TTC28: variants seen among roughly 807,000 people sequenced by gnomAD.
The protein encoded by TTC28 is tetratricopeptide repeat domain 28.
In TTC28, 61 loss-of-function variants were observed where a neutral mutation model predicts 198.0. That is an observed-to-expected ratio of 0.31 (90% CI 0.25 to 0.38). The LOEUF (loss-of-function observed/expected upper bound fraction) is 0.38, where lower values mean the gene tolerates loss of function less well. TTC28 is among the 10% of genes least tolerant of loss of function. The pLI is 1.00. For missense variants in TTC28, 2,678 were observed against 3,164.0 expected (o/e 0.85, Z 3.69); for synonymous variants, 1,171 against 1,297.8 (o/e 0.90, Z 2.10).
At chr22:28,216,376 T>C (rs1400662170) in intron 5 of TTC28, among the ~76,000 whole-genome samples, 1 of 152,160 alleles carries the variant, frequency 6.6e-6, no homozygotes, top group Non-Finnish European at 1.5e-5. Context: ...GGAGGTAAGC[T>C]TGGCCTGAAC....
chr22:28,404,630 G>A (rs961582915), intron 2 of TTC28, among the ~76,000 whole-genome samples: 6 of 151,976 alleles, frequency 3.9e-5, no homozygotes, highest in Admixed American at 6.6e-5. Context: ...TTCTATCACC[G>A]CTTTTCCACT....
intron 12 of TTC28, among the ~76,000 whole-genome samples, chr22:28,037,252 G>A (rs1056659264): frequency 4.6e-5 from 7 of 152,180 alleles, no homozygotes; most frequent in East Asian, 3.9e-4. Flanking sequence ...GACGACCATC[G>A]ACGCAAAAAT....
intron 14 of TTC28, chr22:28,007,454 T>C (rs754608733): frequency 6.6e-6 from 1 of 152,132 alleles, no homozygotes; most frequent in Non-Finnish European, 1.5e-5. Flanking sequence ...CTGGTTTGCC[T>C]GAAGTACCTA....
At chr22:28,609,151 A>G (rs1016148146) in intron 2 of TTC28, among the ~76,000 whole-genome samples, 3 of 152,244 alleles carry the variant, frequency 2.0e-5, no homozygotes, top group Non-Finnish European at 4.4e-5. Flanking sequence ...AATGGAAACT[A>G]TGTCTAAAGA....
At position 27,985,276 on chromosome 22, in the gene TTC28, C is replaced by T. The variant is rs752315274; in HGVS notation, c.5788G>A (p.Ala1930Thr). 26 of 1,551,332 alleles carry T rather than the reference C, an allele frequency of 1.7e-5. No homozygotes were observed. Among genetic ancestry groups the T allele is most frequent in the African/African-American group, 2.7e-5 (2 of 73,042 alleles). The change falls in exon 22 of 23, where the codon GCG (alanine) becomes ACG (threonine). Residue 1930 changes from alanine (A) to threonine (T), a missense_variant. By Grantham distance (58) the Ala-to-Thr change is moderately conservative. Coordinates refer to ENST00000397906, the MANE Select transcript of TTC28 (RefSeq NM_001145418.2). The part of the protein sequence containing the change: ...KQANRRTVHF[A>T]LQSLLSLFDS... ...AACAGAGACAGCAGGGACTGGAGCG[C>T]GAAGTGCACAGTCCGTCGATTAGCT...
intron 12 of TTC28, among the ~76,000 whole-genome samples, chr22:28,082,393 T>A (rs374201800): frequency 6.6e-6 from 1 of 152,226 alleles, no homozygotes; most frequent in Non-Finnish European, 1.5e-5. Flanking sequence ...GGATTTTTCA[T>A]ATATGGCCTT....
At chr22:28,559,162 A>G (rs1268247715) in intron 2 of TTC28, among the ~76,000 whole-genome samples, 2 of 152,214 alleles carry the variant, frequency 1.3e-5, no homozygotes, top group African/African-American at 2.4e-5. Flanking sequence ...TTCATTAATC[A>G]TGCATGCCCC....
chr22:28,135,515 G>A (rs1943179083), intron 6 of TTC28, among the ~76,000 whole-genome samples: 1 of 152,164 alleles, frequency 6.6e-6, no homozygotes, highest in Non-Finnish European at 1.5e-5. Flanking sequence ...AGGCTGTGTG[G>A]CAGACAGGAG....
chr22:28,220,083 T>G (rs1415844518), intron 5 of TTC28, among the ~76,000 whole-genome samples: 2 of 152,180 alleles, frequency 1.3e-5, no homozygotes, highest in Non-Finnish European at 1.5e-5. Context: ...AATAAGACAA[T>G]TAAGGTGATG....
Position 28,198,216 on chromosome 22 carries a change from G to A in TTC28, c.934-34617C>T, listed in dbSNP as rs755402566. Among the ~76,000 whole-genome samples the A allele has an allele frequency of 1.7e-4, 26 of 152,152 alleles. 1 individual carries two copies. The highest frequency in any genetic ancestry group is 3.1e-4 in the African/African-American group (13 of 41,516). On this transcript the variant is annotated intron_variant, in intron 5 of 22. Coordinates refer to ENST00000397906, the MANE Select transcript of TTC28 (RefSeq NM_001145418.2). ...TGTTGGTTGTGGGAGGCTATTCTGC[G>A]CCTTCTACGTTGTTTAGCAGCATCC...
intron 2 of TTC28, among the ~76,000 whole-genome samples, chr22:28,313,197 T>C (rs1344405099): frequency 2.6e-5 from 4 of 152,022 alleles, no homozygotes; most frequent in Non-Finnish European, 4.4e-5. Context: ...CAATAACAGG[T>C]TCTGAAATTG....
intron 2 of TTC28, among the ~76,000 whole-genome samples, chr22:28,458,857 G>A (rs777659208): frequency 6.6e-6 from 1 of 151,030 alleles, no homozygotes; most frequent in African/African-American, 2.4e-5. Flanking sequence ...CTCCAGCCTG[G>A]GTGACAGAGC....
chr22:27,994,170 G>A (rs1192123005), intron 17 of TTC28, among the ~76,000 whole-genome samples: 6 of 152,122 alleles, frequency 3.9e-5, no homozygotes, highest in African/African-American at 4.8e-5. Context: ...GCTGAGAGGC[G>A]TGGTGGCTCA....
intron 2 of TTC28, among the ~76,000 whole-genome samples, chr22:28,500,668 A>G (rs9608688): frequency 5.8e-4 from 88 of 152,290 alleles, no homozygotes; most frequent in Non-Finnish European, 1.1e-3. Context: ...GATATGCAGA[A>G]AGCTTAACAT....
intron 12 of TTC28, among the ~76,000 whole-genome samples, chr22:28,049,519 T>C (rs747194803): frequency 4.8e-4 from 73 of 152,312 alleles, no homozygotes; most frequent in Middle Eastern, 3.4e-3. Flanking sequence ...GTCAGGTTTC[T>C]GGAGCAGCAG....
intron 5 of TTC28, among the ~76,000 whole-genome samples, chr22:28,207,788 C>T (rs1926557529): frequency 6.6e-6 from 1 of 152,020 alleles, no homozygotes; most frequent in South Asian, 2.1e-4. Flanking sequence ...GGTAGAGGAT[C>T]CAGGAGAGCC....
intron 12 of TTC28, among the ~76,000 whole-genome samples, chr22:28,047,085 G>A (rs1939896645): frequency 6.6e-6 from 1 of 152,198 alleles, no homozygotes; most frequent in Non-Finnish European, 1.5e-5. Context: ...CCACCATACA[G>A]TGAGTCCCCA....
intron 2 of TTC28, among the ~76,000 whole-genome samples, chr22:28,430,768 A>G (rs2047418161): frequency 6.6e-6 from 1 of 152,080 alleles, no homozygotes; most frequent in East Asian, 1.9e-4. Context: ...GGGCATTAAG[A>G]GGAGAATAAG....
chr22:28,172,075 TC>T (rs1016724521), intron 5 of TTC28, among the ~76,000 whole-genome samples: 1 of 152,056 alleles, frequency 6.6e-6, no homozygotes, highest in Non-Finnish European at 1.5e-5. Context: ...TGGGTTCTTC[TC>T]CACCACCTGG....
Sources: gnomAD v4.1 joint callset for allele counts (sites outside exome capture counted in the v4.1 genomes callset) on GRCh38, gnomAD v4.1.1 for gene constraint, MANE v1.5 for transcripts, NCBI Gene and HGNC (gene_info 2026-07-23, HGNC 2026-07-21) for gene names.